CNTN1: variants seen among roughly 807,000 people sequenced by gnomAD.
The protein encoded by CNTN1 is contactin 1.
A neutral mutation model predicts 126.4 loss-of-function variants in CNTN1; 38 were observed. The ratio of observed to expected loss-of-function variants is 0.30; its 90% CI spans 0.23 to 0.39. The LOEUF (loss-of-function observed/expected upper bound fraction) is 0.39. Among genes scored for constraint, CNTN1 ranks in the 10% least tolerant of loss-of-function variants. CNTN1 has a pLI of 1.00. For synonymous variants in CNTN1, 413 were observed against 422.6 expected, an observed-to-expected ratio of 0.98 and a Z score of 0.28; for missense variants, 1,009 against 1,248.4, an observed-to-expected ratio of 0.81 and a Z score of 2.89.
chr12:40,861,636 C>T (rs1054027963), intron 1 of CNTN1, among the ~76,000 whole-genome samples: 16 of 152,040 alleles, frequency 1.1e-4, no homozygotes, highest in Admixed American at 5.9e-4. Flanking sequence ...TATAATAATC[C>T]TTAAGAACCG....
intron 1 of CNTN1, among the ~76,000 whole-genome samples, chr12:40,837,874 C>A (rs1352752688): frequency 6.6e-6 from 1 of 152,124 alleles, no homozygotes; most frequent in South Asian, 2.1e-4. Flanking sequence ...AGGGCTAGGG[C>A]CTGAGCTAGG....
chr12:40,918,947 C>G (rs984656162), intron 4 of CNTN1, among the ~76,000 whole-genome samples, 176 bp downstream of exon 4: 1 of 152,100 alleles, frequency 6.6e-6, no homozygotes, highest in African/African-American at 2.4e-5. Context: ...AGCAGATTTT[C>G]TTAAATATAT....
chr12:40,902,380 G>C (rs11178966), intron 1 of CNTN1, among the ~76,000 whole-genome samples: 30,180 of 152,060 alleles, frequency 0.2, 5,319 homozygotes, highest in African/African-American at 0.48. Context: ...GGAGATATTG[G>C]TGTCTTTTTG....
At chr12:40,877,986 T>C (rs1438182329) in intron 1 of CNTN1, among the ~76,000 whole-genome samples, 1 of 136,974 alleles carries the variant, frequency 7.3e-6, no homozygotes, top group Non-Finnish European at 1.5e-5. Context: ...AACAGTTTTT[T>C]CCTTTTTTTT....
At chr12:40,925,625 A>ACG (rs1945640316) in intron 6 of CNTN1, among the ~76,000 whole-genome samples, 2 of 112,732 alleles carry the variant, frequency 1.8e-5, no homozygotes, top group Admixed American at 1.8e-4. Flanking sequence ...ATATATATAC[A>ACG]CATATATATA....
At chr12:40,900,494 C>T (rs1452297067) in intron 1 of CNTN1, among the ~76,000 whole-genome samples, 1 of 152,078 alleles carries the variant, frequency 6.6e-6, no homozygotes, top group South Asian at 2.1e-4. Flanking sequence ...CAGAAAAGCC[C>T]TGCTGATTCC....
intron 1 of CNTN1, among the ~76,000 whole-genome samples, chr12:40,810,151 A>G (rs1432161460): frequency 6.6e-6 from 1 of 152,158 alleles, no homozygotes; most frequent in African/African-American, 2.4e-5. Context: ...TAAATCAAGT[A>G]TTGTAGCGAA....
chr12:40,903,070 G>T (rs908959676), intron 1 of CNTN1, among the ~76,000 whole-genome samples: 3 of 152,224 alleles, frequency 2.0e-5, no homozygotes, highest in African/African-American at 7.2e-5. Context: ...AAAGGATGCT[G>T]GAGAACAGAA....
chr12:41,001,831 C>A (rs1218757435), intron 17 of CNTN1, among the ~76,000 whole-genome samples: 1 of 152,160 alleles, frequency 6.6e-6, no homozygotes, highest in Non-Finnish European at 1.5e-5. Context: ...CAATTTCAAT[C>A]TTCTGCATAT....
intron 13 of CNTN1, 34 bp from the exon 14 acceptor site, chr12:40,943,961 T>C: frequency 6.3e-7 from 1 of 1,588,428 alleles, no homozygotes; most frequent in East Asian, 2.2e-5. Context: ...TCTTATATCT[T>C]CTTGAATTGT....
intron 1 of CNTN1, among the ~76,000 whole-genome samples, chr12:40,789,745 T>G (rs1940150458): frequency 6.6e-6 from 1 of 152,194 alleles, no homozygotes; most frequent in Non-Finnish European, 1.5e-5. Context: ...AACTTTTCCA[T>G]GTTGTAAATT....
At chr12:41,031,319 T>A (rs1378487929) in intron 23 of CNTN1, among the ~76,000 whole-genome samples, 2 of 152,186 alleles carry the variant, frequency 1.3e-5, no homozygotes, top group African/African-American at 4.8e-5. Context: ...TGATGTCACT[T>A]AATATGGAGC....
intron 1 of CNTN1, among the ~76,000 whole-genome samples, chr12:40,826,801 T>C (rs916818574): frequency 6.6e-6 from 1 of 152,204 alleles, no homozygotes; most frequent in Non-Finnish European, 1.5e-5. Context: ...CCCTGAGTAA[T>C]GAACTTGAAG....
intron 1 of CNTN1, among the ~76,000 whole-genome samples, chr12:40,762,422 C>G (rs1034842478): frequency 5.3e-5 from 8 of 152,090 alleles, no homozygotes; most frequent in African/African-American, 1.7e-4. Context: ...CCTTAGAAAA[C>G]AGATTAACAT....
chr12:40,847,326 T>C (rs950763564), intron 1 of CNTN1, among the ~76,000 whole-genome samples: 7 of 152,204 alleles, frequency 4.6e-5, no homozygotes, highest in Non-Finnish European at 8.8e-5. Context: ...ATGGACTAAA[T>C]GGCTGGTCTC....
intron 23 of CNTN1, among the ~76,000 whole-genome samples, chr12:41,049,978 C>A (rs977185765): frequency 1.3e-5 from 2 of 152,188 alleles, no homozygotes; most frequent in African/African-American, 4.8e-5. Context: ...CGGCTTACTG[C>A]AACCTCCACC....
intron 1 of CNTN1, among the ~76,000 whole-genome samples, chr12:40,769,317 A>G (rs1309608613): frequency 6.6e-6 from 1 of 152,234 alleles, no homozygotes; most frequent in Non-Finnish European, 1.5e-5. Context: ...GAGGGGAAGA[A>G]TAACATTGCA....
intron 1 of CNTN1, among the ~76,000 whole-genome samples, chr12:40,818,221 A>C (rs1941319613): frequency 6.6e-6 from 1 of 152,168 alleles, no homozygotes; most frequent in Admixed American, 6.5e-5. Context: ...CTGTCTTTCT[A>C]GGTTGGGGAA....
At chr12:40,708,935 C>T (rs1214348276) in intron 1 of CNTN1, among the ~76,000 whole-genome samples, 1 of 152,176 alleles carries the variant, frequency 6.6e-6, no homozygotes, top group Non-Finnish European at 1.5e-5. Context: ...TTGAACTCCT[C>T]AAATTCAACT....
Sources: allele counts gnomAD v4.1 joint callset (sites outside exome capture counted in the v4.1 genomes callset), GRCh38; gene constraint gnomAD v4.1.1; transcripts MANE v1.5; gene names NCBI Gene and HGNC (gene_info 2026-07-23, HGNC 2026-07-21).